Variants in RP1 observed in about 807,000 individuals in gnomAD.
RP1 encodes the protein RP1 axonemal microtubule associated, also known as oxygen-regulated protein 1.
Under a neutral mutation model 14.8 loss-of-function variants are expected in RP1, and 16 were observed. That is an observed-to-expected ratio of 1.08 (90% CI 0.73 to 1.65). The LOEUF (loss-of-function observed/expected upper bound fraction) is 1.65. Among genes scored for constraint, RP1 ranks in the 40% most tolerant of loss-of-function variants. The pLI is 0.00. For synonymous variants in RP1, 876 were observed against 883.6 expected (o/e 0.99, Z 0.15); for missense variants, 2,631 against 2,535.0 (o/e 1.04, Z -0.81).
At chr8:54,705,620 A>G (rs924733502) in intron 14 of RP1, among the ~76,000 whole-genome samples, 1 of 152,182 alleles carries the variant, frequency 6.6e-6, no homozygotes, top group Non-Finnish European at 1.5e-5. Context: ...ATCAGGCATG[A>G]CACTCCAAGG....
At chr8:54,723,351 A>T (rs1432902471) in intron 16 of RP1, among the ~76,000 whole-genome samples, 2 of 152,206 alleles carry the variant, frequency 1.3e-5, no homozygotes, top group Non-Finnish European at 1.5e-5. Context: ...ATTCCGTCTC[A>T]TCACCTCTTT....
rs116713441 is a variant in RP1, at chr8:54,825,832, G to A, written c.3616-11618G>A. ...CATGCCTGTAATTCCACTGTGGGGG[G>A]CAGAGCAGAGGATGAATGCTTGAAG... On this transcript the variant is annotated intron_variant, in intron 24 of 28. Transcript: ENST00000637698. 6.6e-3 allele frequency among the ~76,000 whole-genome samples: 1,001 copies of A among 152,178 alleles called. 8 individuals carry two copies. Among genetic ancestry groups the A allele is most frequent in the African/African-American group, 0.023 (940 of 41,504 alleles).
intron 1 of RP1, among the ~76,000 whole-genome samples, chr8:54,587,370 G>A (rs182668112): frequency 2.6e-4 from 39 of 150,664 alleles, no homozygotes; most frequent in African/African-American, 9.0e-4. Context: ...AGGTTGTAGT[G>A]AGCCGAGATT....
intron 17 of RP1, among the ~76,000 whole-genome samples, chr8:54,732,544 A>T (rs913279981): frequency 4.6e-5 from 7 of 152,306 alleles, no homozygotes; most frequent in Middle Eastern, 3.4e-3. Flanking sequence ...AGTGAAAGTG[A>T]TTCTTTTAGA....
chr8:54,573,103 C>T lies in RP1; in HGVS notation c.-13+13783C>T, dbSNP rs1426567303. Among the ~76,000 whole-genome samples, 5 of 152,184 alleles carry T rather than the reference C, an allele frequency of 3.3e-5. No homozygotes were observed. The East Asian group carries it at 9.7e-4, about 29-fold the overall frequency. The stretch of plus-strand genomic sequence containing the variant: ...ATTACAATGCTCAATGTATCATAAT[C>T]CCTTTTTTTGGCCATAAAACTGTGC... On this transcript the variant is annotated intron_variant, in intron 1 of 22. Coordinates refer to the RP1 transcript ENST00000636932.
chr8:54,869,944 AGGGCCCACTT>A (rs1812549438), exon 29 of RP1: 1 of 1,215,342 alleles, frequency 8.2e-7, no homozygotes, highest in African/African-American at 1.6e-5. Context: ...ATCTCCTGAA[AGGGCCCACTT>A]GGGCCTGTCG....
At chr8:54,707,760 G>C (rs1808186101) in intron 15 of RP1, among the ~76,000 whole-genome samples, 1 of 152,174 alleles carries the variant, frequency 6.6e-6, no homozygotes, top group Non-Finnish European at 1.5e-5. Flanking sequence ...TGGTGAGTTT[G>C]TGTCAGGTGA....
chr8:54,600,817 T>C (rs1425609046), intron 1 of RP1, among the ~76,000 whole-genome samples: 1 of 152,160 alleles, frequency 6.6e-6, no homozygotes, highest in African/African-American at 2.4e-5. Context: ...TGGAGCATTT[T>C]AAATCTGCTC....
intron 15 of RP1, among the ~76,000 whole-genome samples, chr8:54,711,449 C>G (rs766043723): frequency 7.2e-5 from 11 of 152,192 alleles, no homozygotes; most frequent in Non-Finnish European, 1.5e-4. Context: ...CTCTGTAAAT[C>G]ATAGGAAAGT....
chr8:54,664,633 A>G (rs1217328535), intron 7 of RP1, among the ~76,000 whole-genome samples: 1 of 152,096 alleles, frequency 6.6e-6, no homozygotes, highest in Non-Finnish European at 1.5e-5. Flanking sequence ...TTCTTTATTT[A>G]TTAGTGATGT....
chr8:54,583,673 T>G (rs1256604210), intron 1 of RP1, among the ~76,000 whole-genome samples: 1 of 152,266 alleles, frequency 6.6e-6, no homozygotes, highest in Non-Finnish European at 1.5e-5. Context: ...TGCCTCAATT[T>G]CAGAGCCTGT....
intron 15 of RP1, among the ~76,000 whole-genome samples, chr8:54,713,357 A>C (rs1216511343): frequency 1.3e-5 from 2 of 152,206 alleles, no homozygotes; most frequent in African/African-American, 4.8e-5. Context: ...AAAGAAGAAA[A>C]ATAAACTTTA....
chr8:54,631,974 T>A, downstream of RP1, among the ~76,000 whole-genome samples: 1 of 152,068 alleles, frequency 6.6e-6, no homozygotes. Context: ...CCCAAGTAGC[T>A]GGGATTACAG....
intron 3 of RP1, among the ~76,000 whole-genome samples, chr8:54,640,325 G>A (rs989309873): frequency 6.6e-6 from 1 of 152,062 alleles, no homozygotes; most frequent in African/African-American, 2.4e-5. Context: ...ATTGATTTGT[G>A]CATATATTTG....
At chr8:54,631,378 A>G (rs1806243461), downstream of RP1, among the ~76,000 whole-genome samples, 3 of 152,190 alleles carry the variant, frequency 2.0e-5, no homozygotes, top group African/African-American at 7.2e-5. Flanking sequence ...ATTGTAGTGA[A>G]TGAAAGGGCA....
At chr8:54,690,387 A>G (rs960405768) in intron 12 of RP1, among the ~76,000 whole-genome samples, 3 of 152,022 alleles carry the variant, frequency 2.0e-5, no homozygotes, top group Admixed American at 1.3e-4. Flanking sequence ...CAGTTTTTCT[A>G]CTGCCCAGTT....
chr8:54,706,660 G>A lies in RP1; in HGVS notation c.2211+5G>A, dbSNP rs1196551777. 5 of 1,535,896 alleles carry A rather than the reference G, an allele frequency of 3.3e-6. No individual in the cohort carries two copies. In the South Asian group the frequency reaches 4.8e-5, roughly 15 times the overall value. ...GATGGCCGATGCGATGGAACAGTAA[G>A]CATCTGCTCTTGTTTCTCTCAGCAA... On this transcript the variant is annotated splice_donor_5th_base_variant and intron_variant, in intron 15 of 22. Coordinates refer to the RP1 transcript ENST00000636932.
intron 3 of RP1, among the ~76,000 whole-genome samples, chr8:54,639,914 G>C (rs778901125): frequency 2.0e-5 from 3 of 152,136 alleles, no homozygotes; most frequent in Non-Finnish European, 4.4e-5. Flanking sequence ...CACTTTCTTA[G>C]TGGTGGGATT....
intron 24 of RP1, among the ~76,000 whole-genome samples, chr8:54,797,824 A>T (rs1459515648): frequency 7.1e-6 from 1 of 141,788 alleles, no homozygotes; most frequent in Non-Finnish European, 1.5e-5. Flanking sequence ...TTAGGTTCCT[A>T]TATTTTTTCT....
Sources: allele counts gnomAD v4.1 joint callset (sites outside exome capture counted in the v4.1 genomes callset), GRCh38; gene constraint gnomAD v4.1.1; transcripts MANE v1.5; gene names NCBI Gene and HGNC (gene_info 2026-07-23, HGNC 2026-07-21).